Variants in SLC2A4RG observed in about 807,000 individuals in gnomAD.
SLC2A4RG encodes the protein GLUT4 enhancer factor.
Under a neutral mutation model 35.5 loss-of-function variants are expected in SLC2A4RG, and 23 were observed. That is an observed-to-expected ratio of 0.65 (90% CI 0.47 to 0.92). The LOEUF is 0.92. Among genes scored for constraint, SLC2A4RG ranks in the 40% least tolerant of loss-of-function variants. SLC2A4RG has a pLI of 0.00. For synonymous variants in SLC2A4RG, 306 were observed against 243.7 expected (o/e 1.26, Z -2.38); for missense variants, 539 against 525.0 (o/e 1.03, Z -0.26).
Position 63,742,189 on chromosome 20 carries a change from G to C in SLC2A4RG, c.639G>C (p.Thr213=). The stretch of plus-strand genomic sequence containing the variant: ...AGAGCTGCGGGAAGGTGCTGAGCAC[G>C]GCGTCGGCGATGCAGAGACACATCC... ...LWKSCGKVLS[T]ASAMQRHIRL... The change falls in exon 5 of 8, where the codon ACG becomes ACC. Residue 213 remains threonine (T), a synonymous_variant. Coordinates refer to ENST00000266077, the MANE Select transcript of SLC2A4RG (RefSeq NM_020062.4). 1.2e-6 allele frequency: 2 copies of C among 1,602,020 alleles called. No individual in the cohort carries two copies. The highest frequency in any genetic ancestry group is 2.2e-5 in the South Asian group (2 of 89,750).
rs774494197 is a variant in SLC2A4RG at position 63,743,759 on chromosome 20, C to G, written c.*769C>G. ...TCACAGAAAGGAAACGCACAGGCGC[C>G]TAGGCAGAAACTTGGAGACTCACCG... On this transcript the variant is annotated 3_prime_UTR_variant, in exon 8 of 8. Transcript: ENST00000266077. The G allele has an allele frequency of 6.6e-6, 1 of 152,430 alleles. No individual in the cohort carries two copies. Among genetic ancestry groups the G allele is most frequent in the Non-Finnish European group, 1.5e-5 (1 of 68,056 alleles). The allele number at this position is 152,430 out of a possible 1,614,324, so 9.4% of individuals were successfully genotyped here.
chr20:63,740,172 T>C (rs967847063), intron 1 of SLC2A4RG, 134 bp downstream of exon 1: 43 of 410,866 alleles, frequency 1.0e-4, no homozygotes, highest in African/African-American at 9.3e-4. Context: ...CGCGTGTCCG[T>C]GGGTCCCGCC....
intron 2 of SLC2A4RG, among the ~76,000 whole-genome samples, chr20:63,740,850 A>T (rs1306490884): frequency 6.6e-6 from 1 of 152,104 alleles, no homozygotes; most frequent in East Asian, 1.9e-4. Context: ...GCCACCTCCC[A>T]ACCCCTGCCA....
intron 2 of SLC2A4RG, 94 bp downstream of exon 2, chr20:63,740,625 C>G: frequency 1.7e-6 from 2 of 1,178,456 alleles, no homozygotes; most frequent in Non-Finnish European, 2.1e-6. Context: ...CAGGTCAGGG[C>G]CCCAGGTTTG....
intron 3 of SLC2A4RG, 98 bp from the exon 4 acceptor site, chr20:63,741,771 C>G (rs1048819652): frequency 2.1e-6 from 3 of 1,452,122 alleles, no homozygotes; most frequent in Non-Finnish European, 2.7e-6. Flanking sequence ...ACGCTCTGCC[C>G]ACCAGTCTCA....
In SLC2A4RG at chr20:63,742,548, TGCC is replaced by T. The variant is rs1568813815; in HGVS notation, c.894_896del (p.Pro302del). 1 of 1,524,166 alleles carries T rather than the reference TGCC, an allele frequency of 6.6e-7. No individual in the cohort carries two copies. The highest frequency in any genetic ancestry group is 1.8e-5 in the Admixed American group (1 of 54,086). The allele number at this position is 1,524,166 out of a possible 1,614,324, so 94.4% of individuals were successfully genotyped here. A position where few individuals can be genotyped will look rare whatever the true frequency, so the allele number is the denominator to read the frequency against. On this transcript the variant is annotated inframe_deletion, in exon 6 of 8. Transcript: ENST00000266077. ...CCCCTGCGGCCGCCTGCCCCGCCCC[TGCC>T]CCCGCCCCCTGTCCTGAGCACCGTT...
rs1277093049 is a variant in SLC2A4RG, at chr20:63,740,537, C to T, written c.281+6C>T. 2 of 1,228,916 alleles carry T rather than the reference C, an allele frequency of 1.6e-6. No homozygotes were observed. The highest frequency in any genetic ancestry group is 8.2e-5 in the South Asian group (2 of 24,266). The allele number at this position is 1,228,916 out of a possible 1,614,324, so 76.1% of individuals were successfully genotyped here. On this transcript the variant is annotated splice_donor_region_variant and intron_variant, in intron 2 of 7. Coordinates refer to ENST00000266077, the MANE Select transcript of SLC2A4RG (RefSeq NM_020062.4). ...ATCCCCGTCCCAGCGCAGAGGTGAGCGGGAGGCCCGGTGCCTCGGGACTCG... is the reference window on the plus strand; with the variant it reads ...ATCCCCGTCCCAGCGCAGAGGTGAGTGGGAGGCCCGGTGCCTCGGGACTCG...
At chr20:63,742,102 A>G (rs1226089753) in intron 4 of SLC2A4RG, 28 bp from the exon 5 acceptor site, 2 of 1,604,582 alleles carry the variant, frequency 1.2e-6, no homozygotes, top group Admixed American at 3.4e-5. Flanking sequence ...GTGGCGGCTG[A>G]GCCTGACCCT....
chr20:63,740,117 G>A (rs1293924562), intron 1 of SLC2A4RG, 79 bp downstream of exon 1: 4 of 730,490 alleles, frequency 5.5e-6, no homozygotes, highest in Non-Finnish European at 6.7e-6. Context: ...CCAAACTTCG[G>A]GCCCCCGGGG....
chr20:63,741,893 A>ACTGGG lies in SLC2A4RG; in HGVS notation c.416_417insCTGGG (p.Glu139AspfsTer53). The ACTGGG allele has an allele frequency of 6.2e-7, 1 of 1,607,034 alleles. No homozygotes were observed. Among genetic ancestry groups the ACTGGG allele is most frequent in the Non-Finnish European group, 8.5e-7 (1 of 1,177,572 alleles). On this transcript the variant is annotated frameshift_variant, in exon 4 of 8. Coordinates refer to ENST00000266077, the MANE Select transcript of SLC2A4RG (RefSeq NM_020062.4). LOFTEE classifies it high-confidence loss of function. ...GAGCCTGGCCTGGAGCCCTGGAAGG[A>ACTGGG]GGCCCTGGTGCGGCCCCCAGGCAGC...
chr20:63,742,981 C>G lies in SLC2A4RG; in HGVS notation c.1155C>G (p.Phe385Leu). The stretch of plus-strand genomic sequence containing the variant: ...GCTGGAAGAAAGCCTGCCAGCGGTT[C>G]CTGGACTAAGTCCGGCTCGTTCAAG... ...ACRWKKACQRFLD is the reference protein window; with the variant it reads ...ACRWKKACQRLLD The change falls in exon 8 of 8, where the codon TTC becomes TTG. Residue 385 changes from phenylalanine (F) to leucine (L), a missense_variant. Phe to Leu is a conservative substitution (Grantham distance 22). Coordinates refer to ENST00000266077, the MANE Select transcript of SLC2A4RG (RefSeq NM_020062.4). The G allele has an allele frequency of 6.2e-7, 1 of 1,610,096 alleles. No individual in the cohort carries two copies. Among genetic ancestry groups the G allele is most frequent in the East Asian group, 2.2e-5 (1 of 44,796 alleles).
rs758906773 is a variant in SLC2A4RG, at chr20:63,742,003, C to T, written c.526C>T (p.Pro176Ser). The change falls in exon 4 of 8, where the codon CCC becomes TCC. Residue 176 changes from proline (P) to serine (S), a missense_variant. Transcript: ENST00000266077. The stretch of plus-strand genomic sequence containing the variant: ...TCCGTCCACCCCGTCACCCCCACTG[C>T]CCCCCGAGGCAGCCCACTTTCTGTT... ...SSPSTPSPPL[P>S]PEAAHFLFGE... The T allele has an allele frequency of 1.6e-5, 25 of 1,612,690 alleles. No homozygotes were observed. The highest frequency in any genetic ancestry group is 8.8e-5 in the South Asian group (8 of 91,070).
In SLC2A4RG at chr20:63,740,489, G is replaced by A; in HGVS notation, c.239G>A (p.Gly80Glu). 4.9e-6 allele frequency: 6 copies of A among 1,229,954 alleles called. No homozygotes were observed. The highest frequency in any genetic ancestry group is 5.1e-6 in the Non-Finnish European group (5 of 986,220). 76.2% of individuals were successfully genotyped at this position (1,229,954 alleles called of 1,614,324 possible). Residue 80 changes from glycine to glutamate, a missense_variant, in exon 2 of 8, where the codon GGG becomes GAG. Physicochemically the swap from Gly to Glu is moderately conservative, Grantham distance 98 (BLOSUM62 -2). Transcript: ENST00000266077. ...CGGACGTGGACGGGGGCGGCGGCGG[G>A]GCCCCGGACTCCGTCGGCGCACATC... ...APRTWTGAAA[G>E]PRTPSAHIPV...
rs886269204 is a variant in SLC2A4RG, at chr20:63,743,392, C to CT, written c.*402_*403insT. ...ACTCCCCCACTCGCACTTAACTCAA[C>CT]GGCTCTCGGGCCCTGGGGCTGTTTT... On this transcript the variant is annotated 3_prime_UTR_variant, in exon 8 of 8. Coordinates refer to ENST00000266077, the MANE Select transcript of SLC2A4RG (RefSeq NM_020062.4). The CT allele has an allele frequency of 6.0e-6, 1 of 166,880 alleles. No individual in the cohort carries two copies. The highest frequency in any genetic ancestry group is 5.7e-5 in the Admixed American group (1 of 17,432). The allele number at this position is 166,880 out of a possible 1,614,324, so 10.3% of individuals were successfully genotyped here.
At position 63,742,117 on chromosome 20, in the gene SLC2A4RG, C is replaced by A. The variant is rs1601367083; in HGVS notation, c.580-13C>A. 6 of 1,603,212 alleles carry A rather than the reference C, an allele frequency of 3.7e-6. No individual in the cohort carries two copies. The East Asian group carries it at 1.4e-4, about 36-fold the overall frequency. On this transcript the variant is annotated splice_polypyrimidine_tract_variant and intron_variant, in intron 4 of 7. Coordinates refer to ENST00000266077, the MANE Select transcript of SLC2A4RG (RefSeq NM_020062.4). ...GTGGCGGCTGAGCCTGACCCTGGCC[C>A]CTGTTGCTGCAGAGCCCGGCCCAGG...
Position 63,742,322 on chromosome 20 carries a change from T to C in SLC2A4RG, c.681-14T>C, listed in dbSNP as rs376681368. 167 of 1,606,580 alleles carry C rather than the reference T, an allele frequency of 1.0e-4. No homozygotes were observed. Among genetic ancestry groups the C allele is most frequent in the Admixed American group, 6.7e-5 (4 of 59,640 alleles). ...ACCCCTTCAGCTCCCACTGGCTGGC[T>C]GTGTCTCCCGCAGGAGGCAGGCAGA... On this transcript the variant is annotated splice_polypyrimidine_tract_variant and intron_variant, in intron 5 of 7. Transcript: ENST00000266077.
intron 2 of SLC2A4RG, 85 bp from the exon 3 acceptor site, chr20:63,741,285 G>A: frequency 1.6e-6 from 2 of 1,232,590 alleles, no homozygotes; most frequent in Non-Finnish European, 1.2e-6. Context: ...GTGTGCACGC[G>A]TGCCCAGGCC....
Position 63,742,631 on chromosome 20 carries a change from G to A in SLC2A4RG, c.960+16G>A, listed in dbSNP as rs2092049308. ...TGTCTACCAGGTGGGTGAGGCCACG[G>A]GTGGCAGCTGGGGCGGGTCTCAGGG... On this transcript the variant is annotated intron_variant, in intron 6 of 7. Transcript: ENST00000266077. 6.3e-7 allele frequency: 1 copy of A among 1,576,638 alleles called. No homozygotes were observed. Among genetic ancestry groups the A allele is most frequent in the Non-Finnish European group, 8.6e-7 (1 of 1,156,342 alleles).
In SLC2A4RG at chr20:63,742,569, G is replaced by A. The variant is rs1406684187; in HGVS notation, c.914G>A (p.Ser305Asn). The change falls in exon 6 of 8, where the codon AGC (serine) becomes AAC (asparagine). Residue 305 changes from serine to asparagine, a missense_variant. By Grantham distance (46) the Ser-to-Asn change is conservative. Transcript: ENST00000266077. ...CCCCTGCCCCCGCCCCCTGTCCTGA[G>A]CACCGTTGCTAACCCCCAGTCCTGT... Reference protein sequence around the residue: ...APPLPPPPVLSTVANPQSCHS... With the variant: ...APPLPPPPVLNTVANPQSCHS... The A allele has an allele frequency of 2.5e-6, 4 of 1,579,672 alleles. No homozygotes were observed. In the Admixed American group the frequency reaches 5.2e-5, roughly 20 times the overall value.
Sources: gnomAD v4.1 joint callset for allele counts (sites outside exome capture counted in the v4.1 genomes callset) on GRCh38, gnomAD v4.1.1 for gene constraint, MANE v1.5 for transcripts, NCBI Gene and HGNC (gene_info 2026-07-23, HGNC 2026-07-21) for gene names.